TTLL4: variants seen among roughly 807,000 people sequenced by gnomAD.
TTLL4 encodes the protein tubulin tyrosine ligase like 4, also known as tubulin monoglutamylase TTLL4.
TTLL4 carries 85 observed loss-of-function variants against 122.7 expected under a neutral mutation model. The observed-to-expected ratio is 0.69, with a 90% confidence interval of 0.58 to 0.83. TTLL4 has a LOEUF of 0.83. Among genes scored for constraint, TTLL4 ranks in the 40% least tolerant of loss-of-function variants. TTLL4 has a pLI of 0.00. For synonymous variants in TTLL4, 553 were observed against 563.0 expected, an observed-to-expected ratio of 0.98 and a Z score of 0.25; for missense variants, 1,363 against 1,488.6, an observed-to-expected ratio of 0.92 and a Z score of 1.39.
At chr2:218,745,661 C>G (rs376609927) in intron 6 of TTLL4, 30 bp from the exon 7 acceptor site, 94 of 1,447,848 alleles carry the variant, frequency 6.5e-5, no homozygotes, top group Admixed American at 2.5e-4. Context: ...TCTCCATCCC[C>G]CATCCCCACA....
downstream of TTLL4, among the ~76,000 whole-genome samples, chr2:218,757,898 G>A (rs1943183415): frequency 6.6e-6 from 1 of 152,186 alleles, no homozygotes; most frequent in South Asian, 2.1e-4. Flanking sequence ...GCTTACCTGT[G>A]ACTGTTGTTC....
chr2:218,758,970 G>A (rs1299969238), downstream of TTLL4, among the ~76,000 whole-genome samples: 4 of 152,262 alleles, frequency 2.6e-5, no homozygotes, highest in South Asian at 2.1e-4. Flanking sequence ...AGGGCCGGGC[G>A]TGGTGGCTCA....
At chr2:218,720,355 T>C (rs1408910192) in intron 1 of TTLL4, among the ~76,000 whole-genome samples, 1 of 151,942 alleles carries the variant, frequency 6.6e-6, no homozygotes, top group Admixed American at 6.6e-5. Context: ...TGTGGCAGAG[T>C]GCACGCACTG....
chr2:218,749,944 GC>G (rs1942971509), intron 14 of TTLL4, 64 bp from the exon 15 acceptor site: 1 of 1,580,792 alleles, frequency 6.3e-7, no homozygotes, highest in South Asian at 1.2e-5. Context: ...GCCCTGAGTT[GC>G]ACATATGACC....
intron 2 of TTLL4, 68 bp downstream of exon 2, chr2:218,727,415 A>G (rs1942227013): frequency 6.6e-6 from 1 of 152,094 alleles, no homozygotes; most frequent in Admixed American, 6.6e-5. Context: ...TCTTTGTTAA[A>G]TTTCTCTGAT....
chr2:218,731,975 A>G (rs948045553), intron 2 of TTLL4, among the ~76,000 whole-genome samples: 1 of 152,224 alleles, frequency 6.6e-6, no homozygotes, highest in Non-Finnish European at 1.5e-5. Context: ...GATCCTGTGT[A>G]GGAACAAGAA....
In TTLL4 at chr2:218,747,437, TA is replaced by T. The variant is rs1293541789; in HGVS notation, c.2249+66del. The T allele has an allele frequency of 6.3e-7, 1 of 1,590,552 alleles. No homozygotes were observed. The highest frequency in any genetic ancestry group is 8.6e-7 in the Non-Finnish European group (1 of 1,165,660). On this transcript the variant is annotated intron_variant, in intron 10 of 19. Coordinates refer to ENST00000392102, the MANE Select transcript of TTLL4 (RefSeq NM_014640.5). This position sits in a 1 kb window ranked among gnomAD's most constrained non-coding sequence, Gnocchi z 4.7. ...CTCCTTGGCCTCGAGGTTCCCTTCT[TA>T]CAATGTTCTGCCCTTTGTTCTCCCA...
At chr2:218,718,638 A>G (rs566723200) in intron 1 of TTLL4, among the ~76,000 whole-genome samples, 1 of 152,276 alleles carries the variant, frequency 6.6e-6, no homozygotes, top group Admixed American at 6.5e-5. Context: ...TCGGCCTCCC[A>G]AAGTACTGGG....
rs1559367181 is a variant in TTLL4, at chr2:218,738,590, A to G, written c.914A>G (p.Tyr305Cys). 1 of 1,614,198 alleles carries G rather than the reference A, an allele frequency of 6.2e-7. No homozygotes were observed. Among genetic ancestry groups the G allele is most frequent in the Non-Finnish European group, 8.5e-7 (1 of 1,180,036 alleles). ...TSTTSVASSW[Y>C]NRNNLAMRAE... ...ACCACCAGTGTTGCCTCTTCCTGGT[A>G]TAACCGGAATAACTTAGCCATGAGG... Residue 305 changes from tyrosine (Y) to cysteine (C), a missense_variant, in exon 3 of 20, where the codon TAT becomes TGT. Tyr to Cys is a radical substitution (Grantham distance 194, BLOSUM62 -2). This residue lies in a region of TTLL4 where 760 missense variants were observed against 808.4 expected (regional missense o/e 0.94). Transcript: ENST00000392102.
At chr2:218,737,307 A>ATC (rs1368727528) in intron 2 of TTLL4, among the ~76,000 whole-genome samples, 1 of 152,148 alleles carries the variant, frequency 6.6e-6, no homozygotes, top group Non-Finnish European at 1.5e-5. Context: ...TCTGAGTGAC[A>ATC]GAGTGGGGAC....
chr2:218,735,712 A>G (rs13390199), intron 2 of TTLL4, among the ~76,000 whole-genome samples: 75,031 of 150,860 alleles, frequency 0.5, 19,380 homozygotes, highest in African/African-American at 0.61. Context: ...TCACTCTGTC[A>G]CCCAGGCTGG....
In TTLL4 at chr2:218,746,775, G is replaced by A. The variant is rs781345967; in HGVS notation, c.1975-228G>A. On this transcript the variant is annotated intron_variant, in intron 8 of 19. Coordinates refer to ENST00000392102, the MANE Select transcript of TTLL4 (RefSeq NM_014640.5). ...GTAATAGCTTTTTCTTTGCACTTAAGGTGAATATCACATCTGGCTTACATT... is the reference window on the plus strand; with the variant it reads ...GTAATAGCTTTTTCTTTGCACTTAAAGTGAATATCACATCTGGCTTACATT... 19 of 559,402 alleles carry A rather than the reference G, an allele frequency of 3.4e-5. 1 individual carries two copies. The highest frequency in any genetic ancestry group is 5.7e-5 in the Non-Finnish European group (18 of 317,476). 34.7% of individuals were successfully genotyped at this position (559,402 alleles called of 1,614,324 possible).
chr2:218,714,904 T>A, intron 1 of TTLL4, among the ~76,000 whole-genome samples: 1 of 149,934 alleles, frequency 6.7e-6, no homozygotes, highest in East Asian at 1.9e-4. Flanking sequence ...GCGCTTAGCC[T>A]ATATTTTAAT....
chr2:218,757,341 C>T (rs1210548853), downstream of TTLL4, among the ~76,000 whole-genome samples: 1 of 152,178 alleles, frequency 6.6e-6, no homozygotes, highest in African/African-American at 2.4e-5. Context: ...CATTCACCCT[C>T]CTATTACATT....
intron 1 of TTLL4, among the ~76,000 whole-genome samples, chr2:218,715,968 A>G (rs541729464): frequency 9.9e-5 from 15 of 152,260 alleles, no homozygotes; most frequent in African/African-American, 3.6e-4. Context: ...TTCTATGGGG[A>G]CTATCTGTTG....
chr2:218,721,132 A>G lies in TTLL4; in HGVS notation c.-177-6137A>G, dbSNP rs144198063. On this transcript the variant is annotated intron_variant, in intron 1 of 19. Coordinates refer to ENST00000392102, the MANE Select transcript of TTLL4 (RefSeq NM_014640.5). ...TGGCTGTTCATCTGTATCCTTTGTAATAAATAGGTAAATGTAAGTGAAGTG... is the reference window on the plus strand; with the variant it reads ...TGGCTGTTCATCTGTATCCTTTGTAGTAAATAGGTAAATGTAAGTGAAGTG... Among the ~76,000 whole-genome samples the G allele has an allele frequency of 4.4e-3, 675 of 152,242 alleles. 5 individuals are homozygous for G. The highest frequency in any genetic ancestry group is 0.015 in the African/African-American group (635 of 41,550).
At chr2:218,711,406 C>T (rs1221864020) in intron 1 of TTLL4, among the ~76,000 whole-genome samples, 2 of 151,966 alleles carry the variant, frequency 1.3e-5, no homozygotes, top group Non-Finnish European at 2.9e-5. Flanking sequence ...CTCGCAGGCT[C>T]CAGGGCCGAA....
intron 15 of TTLL4, 101 bp from the exon 16 acceptor site, chr2:218,751,603 C>T (rs530349592): frequency 6.3e-6 from 9 of 1,437,432 alleles, no homozygotes; most frequent in Admixed American, 2.8e-5. Flanking sequence ...TCTTTGTCTT[C>T]TCTCAAGAAG....
At chr2:218,748,524 A>G (rs6750401) in intron 12 of TTLL4, 26,013 of 448,900 alleles carry the variant, frequency 0.058, 926 homozygotes, top group African/African-American at 0.1. Context: ...GTGTGGTGGC[A>G]GGCGCCTACA....
Sources: allele counts gnomAD v4.1 joint callset (sites outside exome capture counted in the v4.1 genomes callset), GRCh38; gene constraint gnomAD v4.1.1; regional missense constraint gnomAD v4.1.1; non-coding constraint Gnocchi (gnomAD v3.1); transcripts MANE v1.5; gene names NCBI Gene and HGNC (gene_info 2026-07-23, HGNC 2026-07-21).